Variants in ZBTB20 observed in about 807,000 individuals in gnomAD.
The protein encoded by ZBTB20 is zinc finger and BTB domain containing 20.
ZBTB20 carries 9 observed loss-of-function variants against 56.9 expected under a neutral mutation model. The ratio of observed to expected loss-of-function variants is 0.16; its 90% CI spans 0.10 to 0.28. The LOEUF (loss-of-function observed/expected upper bound fraction) is 0.28, where lower values mean the gene tolerates loss of function less well. ZBTB20 is among the 10% of genes least tolerant of loss of function. ZBTB20 has a pLI of 1.00. For synonymous variants in ZBTB20, 417 were observed against 420.7 expected, an observed-to-expected ratio of 0.99 and a Z score of 0.11; for missense variants, 655 against 1,003.0, an observed-to-expected ratio of 0.65 and a Z score of 4.69.
chr3:114,486,253 G>A (rs1248567392), intron 7 of ZBTB20, among the ~76,000 whole-genome samples: 1 of 104,864 alleles, frequency 9.5e-6, no homozygotes, highest in Non-Finnish European at 2.6e-5. Flanking sequence ...AGAGATTTGG[G>A]ATGGAGTGGT....
Position 115,132,689 on chromosome 3 carries a change from C to G in ZBTB20, c.-703+14530G>C, listed in dbSNP as rs143739616. Among the ~76,000 whole-genome samples, 256 of 152,110 alleles carry G rather than the reference C, an allele frequency of 1.7e-3. 5 individuals carry two copies. The East Asian group carries it at 0.041, about 24-fold the overall frequency. On this transcript the variant is annotated intron_variant, in intron 1 of 11. Transcript: ENST00000675478. Reference sequence around the variant, plus strand: ...CTGAGGTGGCAGGATCACTTGAACCCAGGAGGTTGAGGCTGCAGTGATCCC... The same window carrying G: ...CTGAGGTGGCAGGATCACTTGAACCGAGGAGGTTGAGGCTGCAGTGATCCC...
chr3:114,612,536 T>C (rs2057637205), intron 6 of ZBTB20, among the ~76,000 whole-genome samples: 1 of 152,178 alleles, frequency 6.6e-6, no homozygotes, highest in Non-Finnish European at 1.5e-5. Flanking sequence ...AGGATGACAA[T>C]AACAGGAACA....
intron 3 of ZBTB20, among the ~76,000 whole-genome samples, chr3:114,936,271 T>C (rs542829860): frequency 1.3e-5 from 2 of 152,300 alleles, no homozygotes; most frequent in African/African-American, 4.8e-5. Flanking sequence ...CACACATGCA[T>C]GCACGCACAC....
intron 7 of ZBTB20, among the ~76,000 whole-genome samples, chr3:114,436,357 C>T (rs1157009780): frequency 1.3e-5 from 2 of 152,072 alleles, no homozygotes; most frequent in Admixed American, 6.5e-5. Flanking sequence ...GCCCAAGGGC[C>T]CCAAACTCAG....
chr3:114,367,425 C>A (rs1188493315), intron 10 of ZBTB20, among the ~76,000 whole-genome samples: 3 of 152,126 alleles, frequency 2.0e-5, no homozygotes, highest in Non-Finnish European at 4.4e-5. Flanking sequence ...ACCACTATGC[C>A]CCGCTAACTG....
intron 1 of ZBTB20, among the ~76,000 whole-genome samples, chr3:115,144,632 G>A (rs1354137173): frequency 6.6e-6 from 1 of 151,856 alleles, no homozygotes; most frequent in South Asian, 2.1e-4. Flanking sequence ...ATTTAATCTC[G>A]TATTTTCTTT....
At chr3:114,788,158 T>C (rs1188337326) in intron 5 of ZBTB20, among the ~76,000 whole-genome samples, 1 of 152,166 alleles carries the variant, frequency 6.6e-6, no homozygotes, top group Non-Finnish European at 1.5e-5. Context: ...TTCACTGATA[T>C]TTTTAAAGAG....
chr3:114,951,793 A>G (rs1443364688), intron 3 of ZBTB20, among the ~76,000 whole-genome samples: 1 of 152,156 alleles, frequency 6.6e-6, no homozygotes, highest in African/African-American at 2.4e-5. Context: ...CTCATATGAG[A>G]AAACATAATC....
chr3:114,620,435 C>G (rs9849945), intron 6 of ZBTB20, among the ~76,000 whole-genome samples: 26,829 of 151,886 alleles, frequency 0.18, 2,601 homozygotes, highest in Admixed American at 0.27. Context: ...TAGGATTACA[C>G]GCATGCGCCA....
At chr3:114,482,553 A>G (rs1187990468) in intron 7 of ZBTB20, among the ~76,000 whole-genome samples, 1 of 152,026 alleles carries the variant, frequency 6.6e-6, no homozygotes, top group Non-Finnish European at 1.5e-5. Context: ...AATCTACACA[A>G]ATTTTTTGTT....
At chr3:114,970,024 C>A (rs552700175) in intron 3 of ZBTB20, among the ~76,000 whole-genome samples, 1 of 152,296 alleles carries the variant, frequency 6.6e-6, no homozygotes, top group Non-Finnish European at 1.5e-5. Context: ...AAATCTGATT[C>A]CACTTAGCCT....
At chr3:114,349,832 C>T (rs1164544612) in intron 11 of ZBTB20, among the ~76,000 whole-genome samples, 2 of 152,198 alleles carry the variant, frequency 1.3e-5, no homozygotes, top group Non-Finnish European at 2.9e-5. Context: ...TCATTTTATA[C>T]ACAAGGAAAC....
chr3:114,864,140 G>A (rs1186155704), intron 4 of ZBTB20, among the ~76,000 whole-genome samples: 3 of 151,998 alleles, frequency 2.0e-5, no homozygotes, highest in African/African-American at 7.2e-5. Flanking sequence ...ACTGAAATCT[G>A]TTATCTAAAA....
At chr3:114,972,669 A>T (rs2077934356) in intron 3 of ZBTB20, among the ~76,000 whole-genome samples, 1 of 152,208 alleles carries the variant, frequency 6.6e-6, no homozygotes, top group African/African-American at 2.4e-5. Flanking sequence ...ATATTTAACA[A>T]AAATGGAAAT....
chr3:114,581,811 A>C lies in ZBTB20; in HGVS notation c.-294-81420T>G, dbSNP rs565173000. 5.3e-5 allele frequency among the ~76,000 whole-genome samples: 8 copies of C among 152,330 alleles called. No homozygotes were observed. In the South Asian group the frequency reaches 1.7e-3, roughly 32 times the overall value. On this transcript the variant is annotated intron_variant, in intron 6 of 11. Coordinates refer to ENST00000675478, the MANE Select transcript of ZBTB20 (RefSeq NM_001348800.3). ...TGTGGAGAAGCTCTCATAGATTGTT[A>C]CTGAGAATATAAATTGGTACAAATA...
chr3:114,902,694 C>A (rs1460778725), intron 3 of ZBTB20, among the ~76,000 whole-genome samples: 1 of 152,034 alleles, frequency 6.6e-6, no homozygotes, highest in Non-Finnish European at 1.5e-5. Context: ...GGAATAGTGA[C>A]CCAATCTGGA....
chr3:114,487,892 A>G (rs1418074121), intron 7 of ZBTB20, among the ~76,000 whole-genome samples: 1 of 152,224 alleles, frequency 6.6e-6, no homozygotes, highest in Non-Finnish European at 1.5e-5. Flanking sequence ...TTATGAGAAC[A>G]TCCAGAAATC....
chr3:114,813,015 C>T (rs903526633), intron 4 of ZBTB20, among the ~76,000 whole-genome samples: 2 of 152,218 alleles, frequency 1.3e-5, no homozygotes, highest in African/African-American at 4.8e-5. Context: ...CGCGCAGCCC[C>T]GGTTCCCGCC....
chr3:115,100,369 G>C (rs1219143020), intron 1 of ZBTB20: 1 of 151,480 alleles, frequency 6.6e-6, no homozygotes, highest in Non-Finnish European at 1.5e-5. Flanking sequence ...GAGGAGGGAG[G>C]GGGGAAGAGA....
Sources: gnomAD v4.1 joint callset for allele counts (sites outside exome capture counted in the v4.1 genomes callset) on GRCh38, gnomAD v4.1.1 for gene constraint, MANE v1.5 for transcripts, NCBI Gene and HGNC (gene_info 2026-07-23, HGNC 2026-07-21) for gene names.